Variants in TNC observed in about 807,000 individuals in gnomAD.
TNC encodes tenascin.
TNC carries 109 observed loss-of-function variants against 202.4 expected under a neutral mutation model. That is an observed-to-expected ratio of 0.54 (90% confidence interval 0.46 to 0.63). TNC has a LOEUF of 0.63. TNC is among the 30% of genes least tolerant of loss of function. The pLI is 0.00. For missense variants in TNC, 2,756 were observed against 2,833.3 expected, an observed-to-expected ratio of 0.97 and a Z score of 0.62; for synonymous variants, 1,007 against 1,089.7, an observed-to-expected ratio of 0.92 and a Z score of 1.50.
intron 23 of TNC, among the ~76,000 whole-genome samples, chr9:115,031,074 T>C (rs1406741898): frequency 2.0e-5 from 3 of 152,142 alleles, no homozygotes; most frequent in Non-Finnish European, 4.4e-5. Context: ...ATTTGTGATT[T>C]TGAATGTGGA....
intron 25 of TNC, among the ~76,000 whole-genome samples, chr9:115,027,370 A>T (rs1229660086): frequency 6.6e-6 from 1 of 151,976 alleles, no homozygotes; most frequent in African/African-American, 2.4e-5. Context: ...TGGGCGGATC[A>T]TCTGAGGTCA....
At position 115,078,017 on chromosome 9, in the gene TNC, G is replaced by C. The variant is rs779190421; in HGVS notation, c.2600C>G (p.Thr867Ser). The C allele has an allele frequency of 1.9e-6, 3 of 1,614,252 alleles. No individual in the cohort carries two copies. The highest frequency in any genetic ancestry group is 1.7e-6 in the Non-Finnish European group (2 of 1,180,038). Residue 867 changes from threonine to serine, a missense_variant, in exon 7 of 28, where the codon ACT becomes AGT. By Grantham distance (58) the Thr-to-Ser change is moderately conservative. Around this residue, in one of 2 missense-constraint regions of TNC, gnomAD observed 2,559 missense variants for 2,546.0 expected, o/e 1.01. Transcript: ENST00000350763. ...GGAGATGAGGGACACCTCGTACTCA[G>C]TGTCAGGCTTCAGGTTCCCGATGGA... The part of the protein sequence containing the change: ...QYSIGNLKPD[T>S]EYEVSLISRR...
At chr9:115,030,581 G>C (rs905221470) in intron 23 of TNC, among the ~76,000 whole-genome samples, 176 bp from the exon 24 acceptor site, 11 of 152,294 alleles carry the variant, frequency 7.2e-5, no homozygotes, top group African/African-American at 2.6e-4. Flanking sequence ...CTAGTAGATG[G>C]GTCTTAGAGC....
intron 13 of TNC, 66 bp downstream of exon 13, chr9:115,062,851 A>G: frequency 6.5e-7 from 1 of 1,545,484 alleles, no homozygotes; most frequent in African/African-American, 1.4e-5. Context: ...ACACGGGTGA[A>G]TTTTCTCTAT....
Position 115,098,938 on chromosome 9 carries a change from A to ATTT in TNC, c.-136-7787_-136-7785dup, listed in dbSNP as rs35624621. On this transcript the variant is annotated intron_variant, in intron 1 of 27. Coordinates refer to ENST00000350763, the MANE Select transcript of TNC (RefSeq NM_002160.4). ...AGCCAGGAAACAGCCTTAAGTGTGT[A>ATTT]TTTTTTTTTTTTTTTTTTTCCTGAG... Among the ~76,000 whole-genome samples, 765 of 127,304 alleles carry ATTT rather than the reference A, an allele frequency of 6.0e-3. 12 individuals are homozygous for ATTT. The highest frequency in any genetic ancestry group is 0.02 in the African/African-American group (669 of 32,998). The allele number at this position is 127,304 out of a possible 152,430, so 83.5% of individuals were successfully genotyped here.
rs745430742 is a variant in TNC at position 115,029,427 on chromosome 9, C to G, written c.6102G>C (p.Glu2034Asp). The change falls in exon 25 of 28, where the codon GAG (glutamate) becomes GAC (aspartate). Residue 2034 changes from glutamate (E) to aspartate (D), a missense_variant. Around this residue, in one of 2 missense-constraint regions of TNC, gnomAD observed 197 missense variants for 287.3 expected, o/e 0.69. Transcript: ENST00000350763. ...ATGCCTTCCAGTTTTGGTAGAAGTT[C>G]TCGCGTCCGTTTTTGCGTCTCAGGA... ...IVFLRRKNGRENFYQNWKAYA... is the reference protein window; with the variant it reads ...IVFLRRKNGRDNFYQNWKAYA... The G allele has an allele frequency of 6.2e-7, 1 of 1,614,110 alleles. No individual in the cohort carries two copies. Among genetic ancestry groups the G allele is most frequent in the East Asian group, 2.2e-5 (1 of 44,872 alleles).
chr9:115,077,998 G>T lies in TNC; in HGVS notation c.2619C>A (p.Leu873=). 1 of 1,614,264 alleles carries T rather than the reference G, an allele frequency of 6.2e-7. No homozygotes were observed. Among genetic ancestry groups the T allele is most frequent in the African/African-American group, 1.3e-5 (1 of 75,074 alleles). Residue 873 remains leucine, a synonymous_variant, in exon 7 of 28, where the codon CTC becomes CTA. Transcript: ENST00000350763. The stretch of plus-strand genomic sequence containing the variant: ...TTGACATGTCACCTCTGCGGGAGAT[G>T]AGGGACACCTCGTACTCAGTGTCAG... The part of the protein sequence containing the change: ...LKPDTEYEVS[L]ISRRGDMSSN...
intron 26 of TNC, 105 bp from the exon 27 acceptor site, chr9:115,024,241 G>C: frequency 8.2e-7 from 1 of 1,224,086 alleles, no homozygotes; most frequent in Non-Finnish European, 1.2e-6. Context: ...TCTGGGTGTG[G>C]GACTGGCCTT....
At chr9:115,081,450 A>C (rs999484236) in intron 6 of TNC, among the ~76,000 whole-genome samples, 1 of 152,166 alleles carries the variant, frequency 6.6e-6, no homozygotes, top group Non-Finnish European at 1.5e-5. Context: ...CTGTGTGAAC[A>C]GGACCAGCAT....
chr9:115,098,075 T>C (rs934203474), intron 1 of TNC, among the ~76,000 whole-genome samples: 2 of 152,134 alleles, frequency 1.3e-5, no homozygotes, highest in Admixed American at 1.3e-4. Flanking sequence ...AATAAGAAGA[T>C]AAAAACAATG....
intron 18 of TNC, among the ~76,000 whole-genome samples, chr9:115,041,392 T>A (rs1459938666): frequency 6.6e-6 from 1 of 152,100 alleles, no homozygotes; most frequent in East Asian, 1.9e-4. Context: ...AAATTTTATC[T>A]TATTATTTTT....
At chr9:115,111,708 G>A (rs538109201) in intron 1 of TNC, among the ~76,000 whole-genome samples, 4 of 152,114 alleles carry the variant, frequency 2.6e-5, no homozygotes, top group South Asian at 2.1e-4. Context: ...GACCATGCCC[G>A]GTAACTCTCT....
At chr9:115,075,041 C>T (rs558044816) in intron 9 of TNC, among the ~76,000 whole-genome samples, 26 of 152,166 alleles carry the variant, frequency 1.7e-4, no homozygotes, top group East Asian at 5.8e-4. Context: ...TGTAAATGTC[C>T]GGCCTTGCAT....
rs116809991 is a variant in TNC at position 115,030,831 on chromosome 9, C to T, written c.5921-426G>A. Among the ~76,000 whole-genome samples the T allele has an allele frequency of 6.3e-3, 958 of 152,328 alleles. 10 individuals carry two copies. The highest frequency in any genetic ancestry group is 0.022 in the African/African-American group (899 of 41,572). On this transcript the variant is annotated intron_variant, in intron 23 of 27. Coordinates refer to ENST00000350763, the MANE Select transcript of TNC (RefSeq NM_002160.4). The stretch of plus-strand genomic sequence containing the variant: ...TCCAAAGGCCAGCTCCTCTGGTCCT[C>T]AGGAATGGATGCCACTCTTACTTAT...
chr9:115,069,856 C>T (rs1283862879), intron 10 of TNC, among the ~76,000 whole-genome samples: 1 of 145,294 alleles, frequency 6.9e-6, no homozygotes, highest in African/African-American at 2.6e-5. Context: ...TCTTTCCTTC[C>T]TTCCTTCCTT....
chr9:115,065,051 A>G, intron 10 of TNC, 132 bp from the exon 11 acceptor site: 1 of 961,006 alleles, frequency 1.0e-6, no homozygotes, highest in Non-Finnish European at 1.5e-6. Flanking sequence ...TGTTCACTGC[A>G]TCCCCTACTG....
chr9:115,079,161 C>G (rs1834108154), intron 6 of TNC, among the ~76,000 whole-genome samples: 1 of 151,432 alleles, frequency 6.6e-6, no homozygotes, highest in South Asian at 2.1e-4. Flanking sequence ...CTTTTAAATT[C>G]CCAGCAGAGA....
At chr9:115,100,130 C>G (rs576469090) in intron 1 of TNC, among the ~76,000 whole-genome samples, 20 of 152,274 alleles carry the variant, frequency 1.3e-4, no homozygotes, top group Admixed American at 5.9e-4. Flanking sequence ...AATAGACTGC[C>G]TGTGGTTTAG....
Position 115,078,035 on chromosome 9 carries a change from C to T in TNC, c.2582G>A (p.Gly861Glu), listed in dbSNP as rs758188661. ...GTACTCAGTGTCAGGCTTCAGGTTC[C>T]CGATGGAGTACTGGTTCTCGTCCTC... ...LTEDENQYSI[G>E]NLKPDTEYEV... Residue 861 changes from glycine to glutamate, a missense_variant, in exon 7 of 28, where the codon GGG (glycine) becomes GAG (glutamate). Coordinates refer to ENST00000350763, the MANE Select transcript of TNC (RefSeq NM_002160.4). The T allele has an allele frequency of 5.6e-6, 9 of 1,614,106 alleles. No individual in the cohort carries two copies. In the East Asian group the frequency reaches 1.8e-4, roughly 32 times the overall value.
Sources: allele counts gnomAD v4.1 joint callset (sites outside exome capture counted in the v4.1 genomes callset), GRCh38; gene constraint gnomAD v4.1.1; regional missense constraint gnomAD v4.1.1; transcripts MANE v1.5; gene names NCBI Gene and HGNC (gene_info 2026-07-23, HGNC 2026-07-21).